SNX22: variants seen among roughly 807,000 people sequenced by gnomAD.
SNX22 encodes sorting nexin-22.
A neutral mutation model predicts 24.7 loss-of-function variants in SNX22; 23 were observed. The ratio of observed to expected loss-of-function variants is 0.93; its 90% CI spans 0.67 to 1.32. SNX22 has a LOEUF of 1.32. Among genes scored for constraint, SNX22 ranks in the 40% most tolerant of loss-of-function variants. SNX22 has a pLI of 0.00. For synonymous variants in SNX22, 99 were observed against 104.0 expected (o/e 0.95, Z 0.29); for missense variants, 261 against 249.9 (o/e 1.04, Z -0.30).
intron 4 of SNX22, 99 bp from the exon 5 acceptor site, chr15:64,153,553 G>A (rs530873278): frequency 3.9e-5 from 60 of 1,543,734 alleles, no homozygotes; most frequent in Non-Finnish European, 5.0e-5. Context: ...AGAAGCAGTG[G>A]TCCCCTGGGA....
chr15:64,154,197 C>G, intron 6 of SNX22, 190 bp from the exon 7 acceptor site: 1 of 1,573,404 alleles, frequency 6.4e-7, no homozygotes, highest in Non-Finnish European at 8.6e-7. Context: ...ATTTCTTCAG[C>G]AGCCTGACTT....
At chr15:64,153,110 T>C in intron 3 of SNX22, 135 bp from the exon 4 acceptor site, 1 of 1,118,534 alleles carries the variant, frequency 8.9e-7, no homozygotes, top group Non-Finnish European at 1.3e-6. Context: ...AGAAGGGCCC[T>C]GAGCCTGGTT....
At chr15:64,152,417 T>A in intron 2 of SNX22, 91 bp downstream of exon 2, 1 of 1,361,644 alleles carries the variant, frequency 7.3e-7, no homozygotes, top group Non-Finnish European at 9.9e-7. Flanking sequence ...AGCCCCAGCC[T>A]CCGCCACCCC....
rs1555495903 is a variant in SNX22 at position 64,155,818 on chromosome 15, A to AG, written c.*1310_*1311insG. On this transcript the variant is annotated 3_prime_UTR_variant, in exon 7 of 7. Coordinates refer to ENST00000325881, the MANE Select transcript of SNX22 (RefSeq NM_024798.3). ...CAAGAACCAGGCCCACACATTATAT[A>AG]TTAAAAAAAAAAAAACCCACATTTT... 9.8e-6 allele frequency: 5 copies of AG among 512,120 alleles called. No individual in the cohort carries two copies. In the East Asian group the frequency reaches 2.1e-4, roughly 21 times the overall value. The allele number at this position is 512,120 out of a possible 1,614,324, so 31.7% of individuals were successfully genotyped here.
chr15:64,153,482 GCT>G lies in SNX22; in HGVS notation c.359+144_359+145del, dbSNP rs1491504908. ...CAGCTCTCTTGACCTGGGTGGAGGG[GCT>G]TTTTTTTGGACAGACTTGGTTACCC... On this transcript the variant is annotated intron_variant, in intron 4 of 6. Transcript: ENST00000325881. 5.8e-5 allele frequency: 86 copies of G among 1,489,788 alleles called. 1 individual carries two copies. The highest frequency in any genetic ancestry group is 7.1e-5 in the Non-Finnish European group (78 of 1,092,756). The allele number at this position is 1,489,788 out of a possible 1,614,324, so 92.3% of individuals were successfully genotyped here.
chr15:64,153,449 G>A lies in SNX22; in HGVS notation c.359+110G>A, dbSNP rs573956647. ...ACATCTGCCAGGATCCAGCATGACC[G>A]CCCTCACCAGCTCTCTTGACCTGGG... On this transcript the variant is annotated intron_variant, in intron 4 of 6. Coordinates refer to ENST00000325881, the MANE Select transcript of SNX22 (RefSeq NM_024798.3). 339 of 1,550,588 alleles carry A rather than the reference G, an allele frequency of 2.2e-4. 1 individual carries two copies. In the African/African-American group the frequency reaches 4.0e-3, roughly 18 times the overall value.
In SNX22 at chr15:64,152,962, T is replaced by G. The variant is rs573838715; in HGVS notation, c.264+220T>G. 1.5e-5 allele frequency: 9 copies of G among 607,644 alleles called. No homozygotes were observed. The East Asian group carries it at 2.5e-4, about 17-fold the overall frequency. 37.6% of individuals were successfully genotyped at this position (607,644 alleles called of 1,614,324 possible). On this transcript the variant is annotated intron_variant, in intron 3 of 6. Transcript: ENST00000325881. ...ACGGACACAGGTAGTCCCAGCTCCA[T>G]GAAACCCAGGTCCTGTCCCCTCCAT...
chr15:64,154,118 C>G (rs564890951), intron 6 of SNX22, 116 bp downstream of exon 6: 1 of 1,606,956 alleles, frequency 6.2e-7, no homozygotes, highest in East Asian at 2.2e-5. Context: ...GAGCCACTAC[C>G]TCCTGCTCCT....
intron 4 of SNX22, 120 bp downstream of exon 4, chr15:64,153,459 G>A: frequency 6.5e-7 from 1 of 1,540,804 alleles, no homozygotes; most frequent in Non-Finnish European, 8.8e-7. Context: ...GCCCTCACCA[G>A]CTCTCTTGAC....
Position 64,156,110 on chromosome 15 carries a change from G to C in SNX22, c.*1602G>C, listed in dbSNP as rs1353135775. ...CATCCTTCAGGGGTTTATCCCGGCT[G>C]TCTGTCTTGGTGCTCTCCACCTTCC... On this transcript the variant is annotated 3_prime_UTR_variant, in exon 7 of 7. Coordinates refer to ENST00000325881, the MANE Select transcript of SNX22 (RefSeq NM_024798.3). The surrounding 1 kb of genome is among the most constrained non-coding windows in gnomAD (Gnocchi z 6.4). The C allele has an allele frequency of 6.2e-7, 1 of 1,614,206 alleles. No homozygotes were observed. The highest frequency in any genetic ancestry group is 8.5e-7 in the Non-Finnish European group (1 of 1,180,048).
At chr15:64,152,445 C>T (rs1452460406) in intron 2 of SNX22, 119 bp downstream of exon 2, 3 of 1,284,266 alleles carry the variant, frequency 2.3e-6, no homozygotes, top group East Asian at 5.1e-5. Context: ...GCCTCAGTCC[C>T]TGCGCAGCCG....
Position 64,152,663 on chromosome 15 carries a change from A to G in SNX22, c.185A>G (p.Asp62Gly), listed in dbSNP as rs867884834. Residue 62 changes from aspartate (D) to glycine (G), a missense_variant, in exon 3 of 7, where the codon GAC becomes GGC. Transcript: ENST00000325881. ...KRIKKLYKVP[D>G]FPSKRLPNWR... Reference sequence around the variant, plus strand: ...ATCAAGAAGCTGTACAAAGTGCCCGACTTCCCCTCGAAACGCCTGCCCAAC... The same window carrying G: ...ATCAAGAAGCTGTACAAAGTGCCCGGCTTCCCCTCGAAACGCCTGCCCAAC... 2 of 1,614,148 alleles carry G rather than the reference A, an allele frequency of 1.2e-6. No homozygotes were observed. The highest frequency in any genetic ancestry group is 3.3e-4 in the Middle Eastern group (2 of 6,062).
chr15:64,156,090 T>C lies in SNX22; in HGVS notation c.*1582T>C. The C allele has an allele frequency of 6.2e-7, 1 of 1,614,214 alleles. No homozygotes were observed. The highest frequency in any genetic ancestry group is 8.5e-7 in the Non-Finnish European group (1 of 1,180,036). The stretch of plus-strand genomic sequence containing the variant: ...GCCGCAGTCTGCGATGATCACATCC[T>C]TCAGGGGTTTATCCCGGCTGTCTGT... On this transcript the variant is annotated 3_prime_UTR_variant, in exon 7 of 7. Transcript: ENST00000325881. This position sits in a 1 kb window ranked among gnomAD's most constrained non-coding sequence, Gnocchi z 6.4.
chr15:64,152,565 C>T (rs2081494797), intron 2 of SNX22, 73 bp from the exon 3 acceptor site: 1 of 1,457,488 alleles, frequency 6.9e-7, no homozygotes. Flanking sequence ...CGCGGGAGGG[C>T]TTCTGGCTGG....
Position 64,154,391 on chromosome 15 carries a change from G to A in SNX22, c.465G>A (p.Ser155=), listed in dbSNP as rs764466238. 1.7e-5 allele frequency: 28 copies of A among 1,614,034 alleles called. No homozygotes were observed. Among genetic ancestry groups the A allele is most frequent in the Middle Eastern group, 1.6e-4 (1 of 6,084 alleles). ...CTGTTTAATTCTATCCCACAGAGTC[G>A]CTGCCCAACGTGGTGGTGAATGGTG... ...DPYVCNPSPE[S]LPNVVVNGVL... Residue 155 remains serine (S), a synonymous_variant, in exon 7 of 7, where the codon TCG becomes TCA. Coordinates refer to ENST00000325881, the MANE Select transcript of SNX22 (RefSeq NM_024798.3).
At position 64,154,511 on chromosome 15, in the gene SNX22, A is replaced by C. The variant is rs1236257102; in HGVS notation, c.*3A>C. On this transcript the variant is annotated 3_prime_UTR_variant, in exon 7 of 7. Transcript: ENST00000325881. ...CTCCTCTGCCACCGATGCCCTGATC[A>C]GTCCAGAGGCCTTTGGCTGCCTCCT... 1 of 1,613,686 alleles carries C rather than the reference A, an allele frequency of 6.2e-7. No individual in the cohort carries two copies. Among genetic ancestry groups the C allele is most frequent in the Non-Finnish European group, 8.5e-7 (1 of 1,179,844 alleles).
Position 64,154,452 on chromosome 15 carries a change from G to A in SNX22, c.526G>A (p.Asp176Asn), listed in dbSNP as rs375374034. 1.1e-5 allele frequency: 17 copies of A among 1,614,032 alleles called. No individual in the cohort carries two copies. Among genetic ancestry groups the A allele is most frequent in the African/African-American group, 9.3e-5 (7 of 74,922 alleles). The change falls in exon 7 of 7, where the codon GAT (aspartate) becomes AAT (asparagine). Residue 176 changes from aspartate (D) to asparagine (N), a missense_variant. Physicochemically the swap from Asp to Asn is conservative, Grantham distance 23. Coordinates refer to ENST00000325881, the MANE Select transcript of SNX22 (RefSeq NM_024798.3). ...CCTCTACAGCTTCAGCATCAGCCCA[G>A]ATAAAGCCCAGCCAAAGGCGGCCTG... is the stretch of plus-strand genomic sequence containing the variant. ...QGLYSFSISP[D>N]KAQPKAACHP...
chr15:64,156,209 G>T lies in SNX22; in HGVS notation c.*1701G>T. ...CAGGAGGTCCACCGCTCAGGAGAAAGGCCCCAGCGTATGGCTCAGGAGGGC... is the reference window on the plus strand; with the variant it reads ...CAGGAGGTCCACCGCTCAGGAGAAATGCCCCAGCGTATGGCTCAGGAGGGC... On this transcript the variant is annotated 3_prime_UTR_variant, in exon 7 of 7. Coordinates refer to ENST00000325881, the MANE Select transcript of SNX22 (RefSeq NM_024798.3). The surrounding 1 kb of genome is among the most constrained non-coding windows in gnomAD (Gnocchi z 6.4). 1 of 1,602,356 alleles carries T rather than the reference G, an allele frequency of 6.2e-7. No homozygotes were observed. The highest frequency in any genetic ancestry group is 1.1e-5 in the South Asian group (1 of 90,408).
At position 64,156,700 on chromosome 15, in the gene SNX22, A is replaced by G; in HGVS notation, c.*2192A>G. 6.2e-7 allele frequency: 1 copy of G among 1,613,710 alleles called. No homozygotes were observed. The highest frequency in any genetic ancestry group is 8.5e-7 in the Non-Finnish European group (1 of 1,179,586). ...GAATCCCCGGTGAGGATTGCCCAGT[A>G]GTAGCCCTTGCTTCCACAACTCACC... On this transcript the variant is annotated 3_prime_UTR_variant, in exon 7 of 7. Transcript: ENST00000325881. This position sits in a 1 kb window ranked among gnomAD's most constrained non-coding sequence, Gnocchi z 6.4.
Sources: gnomAD v4.1 joint callset for allele counts on GRCh38, gnomAD v4.1.1 for gene constraint, Gnocchi (gnomAD v3.1) non-coding constraint, MANE v1.5 for transcripts, NCBI Gene and HGNC (gene_info 2026-07-23, HGNC 2026-07-21) for gene names.